Variants in SIPA1L3 observed in about 807,000 individuals in gnomAD.
SIPA1L3 encodes signal-induced proliferation-associated 1-like protein 3.
Under a neutral mutation model 150.1 loss-of-function variants are expected in SIPA1L3, and 59 were observed. The ratio of observed to expected loss-of-function variants is 0.39; its 90% CI spans 0.32 to 0.49. SIPA1L3 has a LOEUF of 0.49. SIPA1L3 is among the 20% of genes least tolerant of loss of function. The pLI is 0.86. For synonymous variants in SIPA1L3, 1,070 were observed against 1,077.6 expected, an observed-to-expected ratio of 0.99 and a Z score of 0.14; for missense variants, 2,211 against 2,489.5, an observed-to-expected ratio of 0.89 and a Z score of 2.38.
At chr19:38,000,476 CAA>C (rs931671031) in intron 1 of SIPA1L3, among the ~76,000 whole-genome samples, 4 of 44,046 alleles carry the variant, frequency 9.1e-5, no homozygotes, top group Non-Finnish European at 9.1e-5. Context: ...GACTCTGTCT[CAA>C]AAAAAAAAAA....
chr19:38,167,668 TCCTC>T (rs1972240661), intron 15 of SIPA1L3, among the ~76,000 whole-genome samples: 1 of 152,088 alleles, frequency 6.6e-6, no homozygotes, highest in Non-Finnish European at 1.5e-5. Flanking sequence ...GCTCAAGTGT[TCCTC>T]CCACCTCAGC....
chr19:38,130,381 T>G, intron 9 of SIPA1L3, 117 bp from the exon 10 acceptor site: 1 of 1,042,320 alleles, frequency 9.6e-7, no homozygotes, highest in Non-Finnish European at 1.4e-6. Context: ...CCCGGGAAGG[T>G]ATTAATAGAT....
intron 1 of SIPA1L3, among the ~76,000 whole-genome samples, chr19:37,975,820 G>A (rs908065956): frequency 2.0e-5 from 3 of 151,880 alleles, no homozygotes; most frequent in Non-Finnish European, 4.4e-5. Flanking sequence ...GAAATGGGGG[G>A]TTGGCCGGGC....
intron 1 of SIPA1L3, among the ~76,000 whole-genome samples, chr19:37,994,068 T>C (rs1483076910): frequency 6.6e-6 from 1 of 152,122 alleles, no homozygotes; most frequent in African/African-American, 2.4e-5. Flanking sequence ...CTAAGTTTCT[T>C]ATTTTTATTT....
rs373200389 is a variant in SIPA1L3 at position 38,068,328 on chromosome 19, C to T, written c.-310-12928C>T. On this transcript the variant is annotated intron_variant, in intron 2 of 21. Transcript: ENST00000222345. ...ACAGGCGTGAGCCACCACGCCCGGC[C>T]GAAAAATCAGATTCTTAACGTGCAA... Among the ~76,000 whole-genome samples, 356 of 152,220 alleles carry T rather than the reference C, an allele frequency of 2.3e-3. 2 individuals carry two copies. The highest frequency in any genetic ancestry group is 8.0e-3 in the African/African-American group (333 of 41,544).
At chr19:38,098,263 G>GGATT (rs1443543003) in intron 4 of SIPA1L3, among the ~76,000 whole-genome samples, 1 of 152,172 alleles carries the variant, frequency 6.6e-6, no homozygotes, top group Admixed American at 6.6e-5. Context: ...GCAGCTGCAA[G>GGATT]GATTAACTTC....
At chr19:38,199,740 G>GT (rs1227605153) in intron 19 of SIPA1L3, 2 of 152,126 alleles carry the variant, frequency 1.3e-5, no homozygotes, top group Non-Finnish European at 2.9e-5. Context: ...TGGAGGTGTG[G>GT]TTTTTAATGA....
At chr19:38,069,804 A>G (rs916605984) in intron 2 of SIPA1L3, among the ~76,000 whole-genome samples, 24 of 150,534 alleles carry the variant, frequency 1.6e-4, no homozygotes, top group Non-Finnish European at 2.7e-4. Context: ...AGCTGGGACC[A>G]CAGGCACGCG....
chr19:38,120,528 A>T (rs1306750904), intron 9 of SIPA1L3, among the ~76,000 whole-genome samples: 1 of 152,210 alleles, frequency 6.6e-6, no homozygotes, highest in Non-Finnish European at 1.5e-5. Context: ...TTAAAATAGA[A>T]TGAAAAATGT....
chr19:38,110,470 C>G (rs1016681296), intron 8 of SIPA1L3, 86 bp downstream of exon 8: 32 of 1,107,602 alleles, frequency 2.9e-5, no homozygotes, highest in South Asian at 1.9e-4. Context: ...AGGGCCCCCC[C>G]ACACCTCACG....
At chr19:38,176,606 T>C (rs547996119) in intron 15 of SIPA1L3, among the ~76,000 whole-genome samples, 1 of 152,294 alleles carries the variant, frequency 6.6e-6, no homozygotes, top group Admixed American at 6.5e-5. Flanking sequence ...ATTACTACTT[T>C]CAGAGAGAAT....
intron 1 of SIPA1L3, among the ~76,000 whole-genome samples, chr19:38,017,557 C>T (rs1195455866): frequency 1.3e-5 from 2 of 148,396 alleles, no homozygotes; most frequent in African/African-American, 5.0e-5. Context: ...CAGAGTCTTG[C>T]TCTGCTGCCC....
intron 4 of SIPA1L3, among the ~76,000 whole-genome samples, chr19:38,097,484 T>TA (rs1280206906): frequency 6.6e-6 from 1 of 152,244 alleles, no homozygotes; most frequent in Non-Finnish European, 1.5e-5. Flanking sequence ...GTGCTGGAAA[T>TA]ACATTTCTTG....
At chr19:38,187,874 G>A (rs954927258) in intron 16 of SIPA1L3, among the ~76,000 whole-genome samples, 26 of 151,602 alleles carry the variant, frequency 1.7e-4, no homozygotes, top group Middle Eastern at 6.8e-3. Flanking sequence ...GCAGGTGCCT[G>A]TAGTCTCAGC....
At chr19:37,960,621 A>T (rs1444279371) in intron 1 of SIPA1L3, among the ~76,000 whole-genome samples, 2 of 151,170 alleles carry the variant, frequency 1.3e-5, no homozygotes, top group Non-Finnish European at 2.9e-5. Flanking sequence ...GTTAGCCAGG[A>T]TGGTCTCGAT....
chr19:38,056,963 C>G (rs1003961611), intron 2 of SIPA1L3, among the ~76,000 whole-genome samples: 5 of 151,994 alleles, frequency 3.3e-5, no homozygotes, highest in African/African-American at 7.3e-5. Context: ...CAGAATGAGA[C>G]CCTGTCGTTA....
chr19:38,062,115 C>T (rs1213159695), intron 2 of SIPA1L3, among the ~76,000 whole-genome samples: 1 of 151,956 alleles, frequency 6.6e-6, no homozygotes, highest in Non-Finnish European at 1.5e-5. Flanking sequence ...TGGGGATCAT[C>T]TTGCTGGATC....
Position 38,081,781 on chromosome 19 carries a change from C to G in SIPA1L3, c.216C>G (p.Pro72=). Residue 72 remains proline (P), a synonymous_variant, in exon 3 of 22, where the codon CCC becomes CCG. Transcript: ENST00000222345. ...TATTRPSPTT[P]AMPKMGVRAR... ...CCACCCGCCCCAGCCCCACCACTCC[C>G]GCAATGCCCAAGATGGGCGTGCGCG... 6.2e-7 allele frequency: 1 copy of G among 1,611,014 alleles called. No individual in the cohort carries two copies. The highest frequency in any genetic ancestry group is 1.3e-5 in the African/African-American group (1 of 75,034).
rs917635698 is a variant in SIPA1L3, at chr19:38,193,672, G to A, written c.4732G>A (p.Ala1578Thr). 5.7e-6 allele frequency: 9 copies of A among 1,579,376 alleles called. No homozygotes were observed. The highest frequency in any genetic ancestry group is 2.3e-5 in the East Asian group (1 of 43,334). Residue 1578 changes from alanine (A) to threonine (T), a missense_variant, in exon 18 of 22, where the codon GCC becomes ACC. Ala to Thr is a moderately conservative substitution (Grantham distance 58). Coordinates refer to ENST00000222345, the MANE Select transcript of SIPA1L3 (RefSeq NM_015073.3). ...PSDVLFTSTC[A>T]FPSSTLPARR... ...CGACGTGCTCTTCACCAGCACCTGC[G>A]CCTTCCCGTCCAGCACGCTGCCTGC...
Sources: allele counts gnomAD v4.1 joint callset (sites outside exome capture counted in the v4.1 genomes callset), GRCh38; gene constraint gnomAD v4.1.1; transcripts MANE v1.5; gene names NCBI Gene and HGNC (gene_info 2026-07-23, HGNC 2026-07-21).